Variants in R3HDM2 observed in about 807,000 individuals in gnomAD.
R3HDM2 encodes the protein R3H domain-containing protein 2.
Under a neutral mutation model 124.5 loss-of-function variants are expected in R3HDM2, and 38 were observed. That is an observed-to-expected ratio of 0.31 (90% CI 0.24 to 0.40). The LOEUF (loss-of-function observed/expected upper bound fraction) is 0.40, where lower values mean the gene tolerates loss of function less well. Ranked by LOEUF, R3HDM2 falls within the 10% of genes least tolerant of loss-of-function variation. The probability of loss-of-function intolerance (pLI) is 1.00; values close to 1 mark genes in which losing one functional copy is unlikely to be tolerated. For missense variants in R3HDM2, 869 were observed against 1,236.9 expected (o/e 0.70, Z 4.46); for synonymous variants, 391 against 448.0 (o/e 0.87, Z 1.61).
chr12:57,331,621 C>T (rs2058201666), intron 2 of R3HDM2, among the ~76,000 whole-genome samples: 2 of 152,060 alleles, frequency 1.3e-5, no homozygotes, highest in African/African-American at 4.8e-5. Context: ...TATAGGGAAA[C>T]TCTGTCTCTG....
intron 2 of R3HDM2, among the ~76,000 whole-genome samples, chr12:57,349,378 CCAAAAAA>C (rs2060428622): frequency 1.4e-4 from 2 of 14,348 alleles, no homozygotes; most frequent in Non-Finnish European, 2.5e-4. Context: ...GACTCCGTCT[CCAAAAAA>C]AAAAAAAAAA....
intron 3 of R3HDM2, chr12:57,304,476 C>T (rs942231163): frequency 1.0e-6 from 1 of 976,214 alleles, no homozygotes; most frequent in African/African-American, 1.8e-5. Flanking sequence ...AGAGTACCAG[C>T]ATGGCCTTGG....
At chr12:57,333,674 C>T (rs917198680) in intron 2 of R3HDM2, among the ~76,000 whole-genome samples, 5 of 151,168 alleles carry the variant, frequency 3.3e-5, no homozygotes, top group East Asian at 2.0e-4. Flanking sequence ...GTGACAAGAG[C>T]GAAACTCCAT....
At chr12:57,317,029 G>A (rs1298960414) in intron 2 of R3HDM2, among the ~76,000 whole-genome samples, 6 of 151,948 alleles carry the variant, frequency 3.9e-5, no homozygotes, top group Admixed American at 3.9e-4. Flanking sequence ...TTACAGGCGT[G>A]AGACATCGCA....
chr12:57,422,115 A>G (rs2070277916), intron 1 of R3HDM2, among the ~76,000 whole-genome samples: 1 of 142,804 alleles, frequency 7.0e-6, no homozygotes, highest in Non-Finnish European at 1.6e-5. Flanking sequence ...AAAAAAAAAA[A>G]AAATTTTGAG....
At chr12:57,273,204 T>C (rs941532481) in intron 14 of R3HDM2, among the ~76,000 whole-genome samples, 1 of 152,118 alleles carries the variant, frequency 6.6e-6, no homozygotes, top group Non-Finnish European at 1.5e-5. Flanking sequence ...GACAGCAATA[T>C]GAAAAATCCA....
chr12:57,411,681 A>G (rs112083925), intron 1 of R3HDM2, among the ~76,000 whole-genome samples: 10 of 152,368 alleles, frequency 6.6e-5, no homozygotes, highest in African/African-American at 2.2e-4. Flanking sequence ...TGATTTTGAT[A>G]TACCAGATCC....
chr12:57,337,290 A>C (rs940295747), intron 2 of R3HDM2, among the ~76,000 whole-genome samples: 5 of 151,920 alleles, frequency 3.3e-5, no homozygotes, highest in Non-Finnish European at 7.4e-5. Context: ...CAATTAGCTG[A>C]GCCTACAGGG....
At chr12:57,369,444 C>T (rs2063053325) in intron 2 of R3HDM2, among the ~76,000 whole-genome samples, 2 of 152,258 alleles carry the variant, frequency 1.3e-5, no homozygotes, top group Middle Eastern at 3.4e-3. Context: ...AGTAAGCCAC[C>T]GTTCTAGCAT....
chr12:57,322,316 C>G (rs1239765485), intron 2 of R3HDM2, among the ~76,000 whole-genome samples: 2 of 152,144 alleles, frequency 1.3e-5, no homozygotes, highest in African/African-American at 4.8e-5. Flanking sequence ...CCCAAAAATT[C>G]CTTTAGGAAT....
At chr12:57,306,756 T>A (rs1310597982) in intron 3 of R3HDM2, among the ~76,000 whole-genome samples, 1 of 152,090 alleles carries the variant, frequency 6.6e-6, no homozygotes, top group Non-Finnish European at 1.5e-5. Context: ...GGCTCACGCC[T>A]GTAATCCCAG....
intron 2 of R3HDM2, among the ~76,000 whole-genome samples, chr12:57,380,088 T>C (rs2064631593): frequency 6.6e-6 from 1 of 152,138 alleles, no homozygotes; most frequent in Non-Finnish European, 1.5e-5. Flanking sequence ...CCAAATGTAA[T>C]AGGATGTAAC....
At chr12:57,332,253 A>T (rs1272580872) in intron 2 of R3HDM2, among the ~76,000 whole-genome samples, 5 of 151,308 alleles carry the variant, frequency 3.3e-5, no homozygotes, top group Non-Finnish European at 5.9e-5. Context: ...CTACAAAAAT[A>T]AAAATAAAAA....
At chr12:57,348,991 CA>C (rs1226433943) in intron 2 of R3HDM2, among the ~76,000 whole-genome samples, 1 of 152,028 alleles carries the variant, frequency 6.6e-6, no homozygotes, top group Non-Finnish European at 1.5e-5. Flanking sequence ...AGCATTAATG[CA>C]AGTCAATATG....
At chr12:57,326,340 A>AGCT (rs2057310932) in intron 2 of R3HDM2, among the ~76,000 whole-genome samples, 1 of 152,252 alleles carries the variant, frequency 6.6e-6, no homozygotes, top group Non-Finnish European at 1.5e-5. Flanking sequence ...ACAGGTCAAA[A>AGCT]GCTAGGCCTC....
At chr12:57,260,282 A>AAAAAAAAAAAAAAAAAAAAAAAAAC (rs2040416180) in intron 19 of R3HDM2, among the ~76,000 whole-genome samples, 1 of 147,700 alleles carries the variant, frequency 6.8e-6, no homozygotes, top group Non-Finnish European at 1.5e-5. Context: ...AAAAAAAAAA[A>AAAAAAAAAAAAAAAAAAAAAAAAAC]AAAGCCTGCT....
At chr12:57,323,036 AAGTGTTATC>A (rs534020154) in intron 2 of R3HDM2, among the ~76,000 whole-genome samples, 123 of 152,284 alleles carry the variant, frequency 8.1e-4, no homozygotes, top group East Asian at 1.4e-3. Context: ...TCAAGGTATA[AAGTGTTATC>A]TCCACTTTAT....
chr12:57,388,762 C>A, intron 2 of R3HDM2, among the ~76,000 whole-genome samples: 1 of 151,740 alleles, frequency 6.6e-6, no homozygotes, highest in Non-Finnish European at 1.5e-5. Context: ...TAGGACTCCA[C>A]ATGGAAGAGG....
intron 19 of R3HDM2, among the ~76,000 whole-genome samples, chr12:57,260,455 G>A (rs1445390307): frequency 1.3e-5 from 2 of 151,760 alleles, no homozygotes; most frequent in East Asian, 3.9e-4. Flanking sequence ...CACAGGGTGG[G>A]AGAAGGGAAA....
Sources: allele counts gnomAD v4.1 joint callset (sites outside exome capture counted in the v4.1 genomes callset), GRCh38; gene constraint gnomAD v4.1.1; transcripts MANE v1.5; gene names NCBI Gene and HGNC (gene_info 2026-07-23, HGNC 2026-07-21).